The following ANKHD1 variants were observed in gnomAD, a reference collection of about 807,000 sequenced individuals.
ANKHD1 encodes the protein ankyrin repeat and KH domain containing 1.
ANKHD1 carries 31 observed loss-of-function variants against 230.5 expected under a neutral mutation model. The observed-to-expected ratio is 0.13, with a 90% CI of 0.10 to 0.18. The LOEUF (loss-of-function observed/expected upper bound fraction) is 0.18. Ranked by LOEUF, ANKHD1 falls within the 10% of genes least tolerant of loss-of-function variation. The pLI is 1.00. For missense variants in ANKHD1, 2,256 were observed against 3,071.3 expected (o/e 0.73, Z 6.27); for synonymous variants, 1,074 against 1,117.6 (o/e 0.96, Z 0.78).
At chr5:140,536,535 C>T (rs1245209793) in intron 30 of ANKHD1, among the ~76,000 whole-genome samples, 1 of 152,054 alleles carries the variant, frequency 6.6e-6, no homozygotes, top group Non-Finnish European at 1.5e-5. Flanking sequence ...CCCAAATCAC[C>T]CAAGAGTTCC....
intron 1 of ANKHD1, among the ~76,000 whole-genome samples, chr5:140,432,876 A>T (rs1047265253): frequency 6.6e-6 from 1 of 151,976 alleles, no homozygotes; most frequent in East Asian, 1.9e-4. Context: ...GCTAATTTTA[A>T]AATTTTTTGT....
At chr5:140,473,506 T>C (rs961455138) in intron 10 of ANKHD1, among the ~76,000 whole-genome samples, 1 of 152,040 alleles carries the variant, frequency 6.6e-6, no homozygotes, top group Admixed American at 6.5e-5. Flanking sequence ...AGTGGTGTGC[T>C]CTTGGCTCAC....
chr5:140,495,702 G>A (rs888275645), intron 14 of ANKHD1, among the ~76,000 whole-genome samples: 5 of 152,146 alleles, frequency 3.3e-5, no homozygotes, highest in Non-Finnish European at 7.3e-5. Context: ...GAACTTAAGT[G>A]TAATTTAAAA....
chr5:140,471,666 T>C (rs1431550135), intron 10 of ANKHD1, among the ~76,000 whole-genome samples: 1 of 152,198 alleles, frequency 6.6e-6, no homozygotes, highest in East Asian at 1.9e-4. Flanking sequence ...AAGCTTCTTA[T>C]GGTTTCCTAA....
At chr5:140,442,842 T>C (rs1773964276) in intron 5 of ANKHD1, among the ~76,000 whole-genome samples, 1 of 152,188 alleles carries the variant, frequency 6.6e-6, no homozygotes, top group Non-Finnish European at 1.5e-5. Flanking sequence ...TAAAATTATG[T>C]AGTTGAAATT....
At chr5:140,411,864 T>C (rs1423405973) in intron 1 of ANKHD1, among the ~76,000 whole-genome samples, 2 of 150,568 alleles carry the variant, frequency 1.3e-5, no homozygotes, top group African/African-American at 4.9e-5. Context: ...GGTCCCGTTA[T>C]GTCACCCAAG....
intron 1 of ANKHD1, among the ~76,000 whole-genome samples, chr5:140,410,189 ATTTC>A (rs1770816482): frequency 1.3e-5 from 2 of 152,282 alleles, no homozygotes; most frequent in South Asian, 4.1e-4. Flanking sequence ...GCCTTTCAGA[ATTTC>A]TTTATGAAAA....
chr5:140,504,975 A>G lies in ANKHD1; in HGVS notation c.3150+9A>G. ...TTGACATTGATGCACATGTGAGTAGATTGCTTTATTTAAACTTATTTTGCA... is the reference window on the plus strand; with the variant it reads ...TTGACATTGATGCACATGTGAGTAGGTTGCTTTATTTAAACTTATTTTGCA... On this transcript the variant is annotated intron_variant, in intron 16 of 33. Transcript: ENST00000360839. 1 of 1,612,958 alleles carries G rather than the reference A, an allele frequency of 6.2e-7. No individual in the cohort carries two copies. Among genetic ancestry groups the G allele is most frequent in the African/African-American group, 1.3e-5 (1 of 74,978 alleles).
intron 1 of ANKHD1, among the ~76,000 whole-genome samples, chr5:140,424,288 C>T (rs1298438872): frequency 1.3e-5 from 2 of 151,964 alleles, no homozygotes; most frequent in Non-Finnish European, 2.9e-5. Flanking sequence ...TATATATACA[C>T]ACACGCACTC....
Position 140,486,974 on chromosome 5 carries a change from C to T in ANKHD1, c.2159C>T (p.Thr720Met), listed in dbSNP as rs763643436. 1.2e-5 allele frequency: 20 copies of T among 1,612,702 alleles called. No individual in the cohort carries two copies. The highest frequency in any genetic ancestry group is 1.2e-4 in the Admixed American group (7 of 59,938). The stretch of plus-strand genomic sequence containing the variant: ...ACTTTTTAGGTGCCACGTGTGCCAA[C>T]GCATACACTTGCCATGGTTGTACCT... Reference protein sequence around the residue: ...QDQSQVPRVPTHTLAMVVPPQ... With the variant: ...QDQSQVPRVPMHTLAMVVPPQ... The change falls in exon 14 of 34, where the codon ACG becomes ATG. Residue 720 changes from threonine (T) to methionine (M), a missense_variant. Transcript: ENST00000360839.
intron 20 of ANKHD1, 143 bp downstream of exon 20, chr5:140,508,141 A>T: frequency 8.6e-7 from 1 of 1,164,154 alleles, no homozygotes. Context: ...ATGCTGTATA[A>T]TAGTGAGTGA....
chr5:140,424,809 CTGT>C (rs1318925636), intron 1 of ANKHD1, among the ~76,000 whole-genome samples: 1 of 152,166 alleles, frequency 6.6e-6, no homozygotes, highest in African/African-American at 2.4e-5. Context: ...TAGTTACACT[CTGT>C]TGTTTAGAAG....
chr5:140,419,820 T>C (rs574690137), intron 1 of ANKHD1, among the ~76,000 whole-genome samples: 3 of 123,814 alleles, frequency 2.4e-5, no homozygotes, highest in Non-Finnish European at 5.4e-5. Flanking sequence ...CTTTCTTTCT[T>C]TCTTTCTTTC....
In ANKHD1 at chr5:140,485,899, C is replaced by T. The variant is rs1751480003; in HGVS notation, c.2142+167C>T. The T allele has an allele frequency of 9.2e-7, 1 of 1,083,454 alleles. No homozygotes were observed. Among genetic ancestry groups the T allele is most frequent in the Non-Finnish European group, 1.3e-6 (1 of 787,272 alleles). 67.1% of individuals were successfully genotyped at this position (1,083,454 alleles called of 1,614,324 possible). A position where few individuals can be genotyped will look rare whatever the true frequency, so the allele number is the denominator to read the frequency against. ...AGGATTTATTTTCTTTAAAGGTACA[C>T]TGAAATTTGTTATTGCCTTATTTAT... is the stretch of plus-strand genomic sequence containing the variant. On this transcript the variant is annotated intron_variant, in intron 13 of 33. Coordinates refer to ENST00000360839, the MANE Select transcript of ANKHD1 (RefSeq NM_017747.3). This position sits in a 1 kb window ranked among gnomAD's most constrained non-coding sequence, Gnocchi z 4.8.
chr5:140,420,574 A>G (rs1223580712), intron 1 of ANKHD1, among the ~76,000 whole-genome samples: 2 of 152,166 alleles, frequency 1.3e-5, no homozygotes, highest in African/African-American at 2.4e-5. Flanking sequence ...TTTCAGCATA[A>G]TTTGTTGAAA....
At chr5:140,475,802 A>G (rs1750934386) in intron 10 of ANKHD1, among the ~76,000 whole-genome samples, 1 of 152,206 alleles carries the variant, frequency 6.6e-6, no homozygotes, top group Non-Finnish European at 1.5e-5. Flanking sequence ...CTGTGGATGG[A>G]AAAGAAACTA....
At position 140,497,155 on chromosome 5, in the gene ANKHD1, G is replaced by A. The variant is rs1339041073; in HGVS notation, c.2881G>A (p.Val961Ile). ...GAAAGTATCAGGTAATCAGCAGATTGTAGGACAGCCTCAGATTGCTATTAC... is the reference window on the plus strand; with the variant it reads ...GAAAGTATCAGGTAATCAGCAGATTATAGGACAGCCTCAGATTGCTATTAC... ...LQKVSGNQQI[V>I]GQPQIAITGH... Residue 961 changes from valine to isoleucine, a missense_variant, in exon 15 of 34, where the codon GTA (valine) becomes ATA (isoleucine). Physicochemically the swap from Val to Ile is conservative, Grantham distance 29. Transcript: ENST00000360839. 1 of 1,614,000 alleles carries A rather than the reference G, an allele frequency of 6.2e-7. No homozygotes were observed. The highest frequency in any genetic ancestry group is 8.5e-7 in the Non-Finnish European group (1 of 1,180,034).
chr5:140,507,217 C>G lies in ANKHD1; in HGVS notation c.3551+240C>G, dbSNP rs1041106909. Among the ~76,000 whole-genome samples the G allele has an allele frequency of 6.6e-6, 1 of 152,174 alleles. No individual in the cohort carries two copies. The highest frequency in any genetic ancestry group is 2.4e-5 in the African/African-American group (1 of 41,440). ...TTGTTCTATGGCCTACCACCCTAAACGTGCCCAATCTCATCTGATCTCAGA... is the reference window on the plus strand; with the variant it reads ...TTGTTCTATGGCCTACCACCCTAAAGGTGCCCAATCTCATCTGATCTCAGA... On this transcript the variant is annotated intron_variant, in intron 19 of 33. Coordinates refer to ENST00000360839, the MANE Select transcript of ANKHD1 (RefSeq NM_017747.3). The surrounding 1 kb of genome is among the most constrained non-coding windows in gnomAD (Gnocchi z 4.1).
At chr5:140,402,533 A>ACT (rs1481676461) in intron 1 of ANKHD1, among the ~76,000 whole-genome samples, 1 of 151,668 alleles carries the variant, frequency 6.6e-6, no homozygotes, top group East Asian at 1.9e-4. Flanking sequence ...GGGAACAGGG[A>ACT]CTCCTCAGGC....
Sources: allele counts gnomAD v4.1 joint callset (sites outside exome capture counted in the v4.1 genomes callset), GRCh38; gene constraint gnomAD v4.1.1; non-coding constraint Gnocchi (gnomAD v3.1); transcripts MANE v1.5; gene names NCBI Gene and HGNC (gene_info 2026-07-23, HGNC 2026-07-21).